Variants in GRIK2 observed in about 807,000 individuals in gnomAD.
The protein encoded by GRIK2 is glutamate receptor ionotropic, kainate 2.
GRIK2 carries 32 observed loss-of-function variants against 100.3 expected under a neutral mutation model. The observed-to-expected ratio is 0.32, with a 90% CI of 0.24 to 0.43. The LOEUF (loss-of-function observed/expected upper bound fraction) is 0.43. Among genes scored for constraint, GRIK2 ranks in the 20% least tolerant of loss-of-function variants. GRIK2 has a pLI of 1.00. For missense variants in GRIK2, 843 were observed against 1,114.9 expected (o/e 0.76, Z 3.47); for synonymous variants, 417 against 389.4 (o/e 1.07, Z -0.83).
In GRIK2 at chr6:101,442,143, G is replaced by T. The variant is rs1374566253; in HGVS notation, c.115+42751G>T. 2.0e-5 allele frequency among the ~76,000 whole-genome samples: 3 copies of T among 152,122 alleles called. No homozygotes were observed. The South Asian group carries it at 6.2e-4, about 32-fold the overall frequency. ...AAACCCCGGCTTTGGCCACAGATGT[G>T]TCTGAAAATGTTGTAGGACTGTCTC... On this transcript the variant is annotated intron_variant, in intron 2 of 16. Transcript: ENST00000369134.
intron 14 of GRIK2, among the ~76,000 whole-genome samples, chr6:102,033,250 T>TATTA (rs1486079174): frequency 1.5e-5 from 2 of 130,810 alleles, no homozygotes; most frequent in Middle Eastern, 3.2e-3. Flanking sequence ...AAAAAAATTC[T>TATTA]ATTATTCTTT....
chr6:102,000,276 CT>C (rs34370144), intron 14 of GRIK2, among the ~76,000 whole-genome samples: 79,125 of 113,338 alleles, frequency 0.7, 26,001 homozygotes, highest in South Asian at 0.73. Context: ...TTGTTGAAGG[CT>C]TTTTTTTTTT....
At chr6:101,823,384 T>C (rs1782086735) in intron 10 of GRIK2, among the ~76,000 whole-genome samples, 1 of 152,136 alleles carries the variant, frequency 6.6e-6, no homozygotes, top group Admixed American at 6.5e-5. Context: ...TTAAGATTTA[T>C]GATATAAAAT....
At chr6:101,564,245 C>T (rs968573975) in intron 2 of GRIK2, among the ~76,000 whole-genome samples, 2 of 152,106 alleles carry the variant, frequency 1.3e-5, no homozygotes, top group Non-Finnish European at 2.9e-5. Flanking sequence ...CTAACAATGA[C>T]CCCCAGAAGA....
chr6:101,824,330 T>G (rs1782172371), intron 10 of GRIK2, among the ~76,000 whole-genome samples: 2 of 152,200 alleles, frequency 1.3e-5, no homozygotes, highest in Non-Finnish European at 1.5e-5. Context: ...TGTATCATTC[T>G]TATGTCTTTG....
chr6:101,725,681 T>C (rs1432596389), intron 7 of GRIK2, among the ~76,000 whole-genome samples: 1 of 152,034 alleles, frequency 6.6e-6, no homozygotes, highest in Admixed American at 6.6e-5. Context: ...ATGTTTACCT[T>C]AGCTATGCTA....
chr6:102,048,019 G>A (rs12195196), intron 15 of GRIK2, among the ~76,000 whole-genome samples: 1 of 151,372 alleles, frequency 6.6e-6, no homozygotes, highest in Non-Finnish European at 1.5e-5. Context: ...GAAAAAAATA[G>A]ACATATTGAC....
At chr6:101,859,591 A>G (rs952569732) in intron 11 of GRIK2, 98 bp downstream of exon 11, 5 of 691,372 alleles carry the variant, frequency 7.2e-6, no homozygotes, top group Non-Finnish European at 1.3e-5. Flanking sequence ...GTAGTGATAT[A>G]TTTCAAGCAT....
intron 14 of GRIK2, among the ~76,000 whole-genome samples, chr6:102,015,028 T>C (rs1487112420): frequency 6.6e-6 from 1 of 152,170 alleles, no homozygotes; most frequent in Non-Finnish European, 1.5e-5. Flanking sequence ...TGTCTAATGC[T>C]ATCAGTGAGG....
intron 14 of GRIK2, among the ~76,000 whole-genome samples, chr6:101,970,549 G>C (rs1182890305): frequency 1.3e-5 from 2 of 151,902 alleles, no homozygotes; most frequent in South Asian, 2.1e-4. Context: ...TATAGGACAG[G>C]GGTGGTAATT....
chr6:102,034,212 T>C (rs1770144136), intron 14 of GRIK2, among the ~76,000 whole-genome samples: 1 of 151,350 alleles, frequency 6.6e-6, no homozygotes, highest in South Asian at 2.1e-4. Flanking sequence ...TTCTTTTTCC[T>C]AGTAAATCAT....
intron 2 of GRIK2, among the ~76,000 whole-genome samples, chr6:101,455,744 A>C (rs1770969939): frequency 6.6e-6 from 1 of 152,098 alleles, no homozygotes; most frequent in Non-Finnish European, 1.5e-5. Context: ...AAACCAGATT[A>C]ATGTTGAGTC....
intron 4 of GRIK2, among the ~76,000 whole-genome samples, chr6:101,663,621 G>T (rs144410434): frequency 6.6e-6 from 1 of 152,330 alleles, no homozygotes; most frequent in African/African-American, 2.4e-5. Context: ...TTAAAAAGAT[G>T]CCCGTTTGGT....
chr6:101,976,359 C>A (rs907628865), intron 14 of GRIK2, among the ~76,000 whole-genome samples: 6 of 151,670 alleles, frequency 4.0e-5, no homozygotes, highest in Non-Finnish European at 7.4e-5. Context: ...AACAGGATAA[C>A]AAAGCTGAGG....
chr6:101,474,932 A>AT (rs111992691), intron 2 of GRIK2, among the ~76,000 whole-genome samples: 2 of 151,758 alleles, frequency 1.3e-5, no homozygotes, highest in African/African-American at 2.4e-5. Context: ...TACATCAGTG[A>AT]TTTTTTTTCA....
At chr6:101,625,276 G>A (rs1252208604) in intron 3 of GRIK2, among the ~76,000 whole-genome samples, 4 of 152,002 alleles carry the variant, frequency 2.6e-5, no homozygotes, top group Non-Finnish European at 2.9e-5. Flanking sequence ...GGGAGGCTGA[G>A]GCAGGAGAAT....
chr6:101,596,269 G>C (rs182803166), intron 2 of GRIK2, among the ~76,000 whole-genome samples: 1 of 147,888 alleles, frequency 6.8e-6, no homozygotes, highest in African/African-American at 2.5e-5. Flanking sequence ...ATGAATGAAT[G>C]GTGTCACGCA....
intron 2 of GRIK2, among the ~76,000 whole-genome samples, chr6:101,562,068 T>C (rs1358199353): frequency 2.0e-5 from 3 of 152,144 alleles, no homozygotes; most frequent in East Asian, 1.9e-4. Context: ...CAGAAAACAA[T>C]GGCAAAGCTT....
intron 14 of GRIK2, among the ~76,000 whole-genome samples, chr6:101,976,744 A>G (rs1365836009): frequency 1.3e-5 from 2 of 151,802 alleles, no homozygotes; most frequent in East Asian, 3.9e-4. Flanking sequence ...GGTAAGTGAC[A>G]TTAGAAAATA....
Sources: gnomAD v4.1 joint callset for allele counts (sites outside exome capture counted in the v4.1 genomes callset) on GRCh38, gnomAD v4.1.1 for gene constraint, MANE v1.5 for transcripts, NCBI Gene and HGNC (gene_info 2026-07-23, HGNC 2026-07-21) for gene names.